Variants in ZFP14 observed in about 807,000 individuals in gnomAD.
The protein encoded by ZFP14 is zinc finger protein 14 homolog.
A neutral mutation model predicts 54.5 loss-of-function variants in ZFP14; 22 were observed. That is an observed-to-expected ratio of 0.40 (90% CI 0.29 to 0.58). The LOEUF (loss-of-function observed/expected upper bound fraction) is 0.58. Among genes scored for constraint, ZFP14 ranks in the 20% least tolerant of loss-of-function variants. ZFP14 has a pLI of 0.39. For missense variants in ZFP14, 470 were observed against 637.8 expected (o/e 0.74, Z 2.83); for synonymous variants, 159 against 204.0 (o/e 0.78, Z 1.88).
rs1439469324 is a variant in ZFP14 at position 36,335,568 on chromosome 19, T to A, written c.*4656A>T. The A allele has an allele frequency of 7.0e-6, 1 of 142,262 alleles. No homozygotes were observed. Among genetic ancestry groups the A allele is most frequent in the Non-Finnish European group, 1.5e-5 (1 of 67,264 alleles). The allele number at this position is 142,262 out of a possible 1,614,324, so 8.8% of individuals were successfully genotyped here. Reference sequence around the variant, plus strand: ...AGTATCAGATTTTTTAAACAGGGAGTTCACACACACACACACACACACACA... The same window carrying A: ...AGTATCAGATTTTTTAAACAGGGAGATCACACACACACACACACACACACA... On this transcript the variant is annotated 3_prime_UTR_variant, in exon 5 of 5. Transcript: ENST00000270001.
chr19:36,348,600 G>A (rs996798208), intron 4 of ZFP14, among the ~76,000 whole-genome samples: 15 of 152,216 alleles, frequency 9.9e-5, no homozygotes, highest in Admixed American at 4.6e-4. Flanking sequence ...GGATTCAAGC[G>A]ATTCTCCTGC....
chr19:36,350,966 C>T lies in ZFP14; in HGVS notation c.236-9376G>A, dbSNP rs534944690. ...ATTTTGTACCCTTTAAAAATTAAGA[C>T]GTAATAAAGATATTTTCTAATAAAA... On this transcript the variant is annotated intron_variant, in intron 4 of 4. Coordinates refer to ENST00000270001, the MANE Select transcript of ZFP14 (RefSeq NM_020917.3). Among the ~76,000 whole-genome samples, 37 of 142,904 alleles carry T rather than the reference C, an allele frequency of 2.6e-4. 1 individual carries two copies. Among genetic ancestry groups the T allele is most frequent in the Admixed American group, 8.7e-4 (12 of 13,832 alleles). 93.8% of individuals were successfully genotyped at this position (142,904 alleles called of 152,430 possible).
At chr19:36,360,716 T>C (rs552768938) in intron 3 of ZFP14, among the ~76,000 whole-genome samples, 183 bp from the exon 4 acceptor site, 2 of 152,312 alleles carry the variant, frequency 1.3e-5, no homozygotes, top group Admixed American at 6.5e-5. Flanking sequence ...GAATAGCCTG[T>C]ATGAGGTTAA....
intron 2 of ZFP14, among the ~76,000 whole-genome samples, chr19:36,367,655 G>C (rs1164740867): frequency 6.6e-6 from 1 of 152,064 alleles, no homozygotes; most frequent in Non-Finnish European, 1.5e-5. Flanking sequence ...GTAGAGACAG[G>C]GTTTCACCAT....
intron 4 of ZFP14, among the ~76,000 whole-genome samples, chr19:36,349,231 C>CAAA (rs1308523351): frequency 0.014 from 59 of 4,236 alleles, 12 homozygotes; most frequent in Admixed American, 0.036. Flanking sequence ...AACTCTGTCT[C>CAAA]AAAAAAAAAA....
chr19:36,351,370 A>G (rs2031522307), intron 4 of ZFP14, among the ~76,000 whole-genome samples: 2 of 141,478 alleles, frequency 1.4e-5, no homozygotes, highest in African/African-American at 2.6e-5. Context: ...ATGGTGGTGC[A>G]TGCCTGTAGT....
At position 36,367,939 on chromosome 19, in the gene ZFP14, G is replaced by A. The variant is rs1259516248; in HGVS notation, c.-47C>T. ...GGTCAGTCCTTTTCAAGATTTCTCT[G>A]TTGGAGAACTATGGAGTCCTGATAA... is the stretch of plus-strand genomic sequence containing the variant. On this transcript the variant is annotated 5_prime_UTR_variant, in exon 2 of 5. Transcript: ENST00000270001. The A allele has an allele frequency of 1.3e-6, 2 of 1,598,886 alleles. No homozygotes were observed. Among genetic ancestry groups the A allele is most frequent in the Non-Finnish European group, 1.7e-6 (2 of 1,171,906 alleles).
At chr19:36,345,155 C>T (rs568501601) in intron 4 of ZFP14, among the ~76,000 whole-genome samples, 4 of 152,234 alleles carry the variant, frequency 2.6e-5, no homozygotes, top group South Asian at 4.1e-4. Context: ...CTTAGCTACT[C>T]GGGAGGCTGA....
rs1455897261 is a variant in ZFP14 at position 36,340,218 on chromosome 19, C to A, written c.*6G>T. 1.3e-6 allele frequency: 2 copies of A among 1,549,600 alleles called. No homozygotes were observed. Among genetic ancestry groups the A allele is most frequent in the Non-Finnish European group, 1.7e-6 (2 of 1,150,222 alleles). On this transcript the variant is annotated 3_prime_UTR_variant, in exon 5 of 5. Coordinates refer to ENST00000270001, the MANE Select transcript of ZFP14 (RefSeq NM_020917.3). This position sits in a 1 kb window ranked among gnomAD's most constrained non-coding sequence, Gnocchi z 5.4. ...AACATCATATACATTTGAAGGCTTT[C>A]TTCTATTAAATTCCATTATGAATCT...
chr19:36,364,648 T>A (rs879681934), intron 2 of ZFP14, among the ~76,000 whole-genome samples: 2 of 152,142 alleles, frequency 1.3e-5, no homozygotes, highest in Non-Finnish European at 2.9e-5. Flanking sequence ...ATTACATCCC[T>A]ACCCAATCCA....
rs1365709557 is a variant in ZFP14, at chr19:36,360,489, C to T, written c.181G>A (p.Glu61Lys). The T allele has an allele frequency of 6.2e-7, 1 of 1,613,788 alleles. No individual in the cohort carries two copies. Among genetic ancestry groups the T allele is most frequent in the East Asian group, 2.2e-5 (1 of 44,870 alleles). ...ACAACCATCCCAGGTTCCTTCCTTT[C>T]TTCATCCAATAAGGTAATCACATCT... ...KPDVITLLDE[E>K]RKEPGMVVRE... Residue 61 changes from glutamate (E) to lysine (K), a missense_variant, in exon 4 of 5, where the codon GAA (glutamate) becomes AAA (lysine). Physicochemically the swap from Glu to Lys is moderately conservative, Grantham distance 56. Transcript: ENST00000270001.
chr19:36,339,569 A>G lies in ZFP14; in HGVS notation c.*655T>C, dbSNP rs1453973045. On this transcript the variant is annotated 3_prime_UTR_variant, in exon 5 of 5. Transcript: ENST00000270001. ...GCATGCCTTGATGAAGCAAGCAGCCATGTTGATGAGGCTATTGTGGCCAGG... is the reference window on the plus strand; with the variant it reads ...GCATGCCTTGATGAAGCAAGCAGCCGTGTTGATGAGGCTATTGTGGCCAGG... The G allele has an allele frequency of 6.6e-6, 1 of 152,264 alleles. No homozygotes were observed. Among genetic ancestry groups the G allele is most frequent in the African/African-American group, 2.4e-5 (1 of 41,476 alleles). 9.4% of individuals were successfully genotyped at this position (152,264 alleles called of 1,614,324 possible).
At chr19:36,364,330 C>G (rs948904826) in intron 2 of ZFP14, among the ~76,000 whole-genome samples, 5 of 152,162 alleles carry the variant, frequency 3.3e-5, no homozygotes, top group Non-Finnish European at 7.3e-5. Context: ...ACAGCATGAA[C>G]AAGCAGGGGT....
chr19:36,374,246 T>A (rs2031924528), intron 1 of ZFP14, among the ~76,000 whole-genome samples: 1 of 151,912 alleles, frequency 6.6e-6, no homozygotes, highest in Non-Finnish European at 1.5e-5. Flanking sequence ...ATCCCAGCAC[T>A]TTGGGAGGCC....
Position 36,336,642 on chromosome 19 carries a change from G to A in ZFP14, c.*3582C>T, listed in dbSNP as rs940757678. The A allele has an allele frequency of 3.0e-4, 46 of 152,186 alleles. No individual in the cohort carries two copies. Among genetic ancestry groups the A allele is most frequent in the African/African-American group, 1.1e-3 (46 of 41,436 alleles). The allele number at this position is 152,186 out of a possible 1,614,324, so 9.4% of individuals were successfully genotyped here. ...ACACATTCATCTGTGTGACAGGCCT[G>A]GTGTTGCTGCTGTGGGTAAGTGAAG... On this transcript the variant is annotated 3_prime_UTR_variant, in exon 5 of 5. Transcript: ENST00000270001.
chr19:36,335,569 T>TCACACA lies in ZFP14; in HGVS notation c.*4649_*4654dup, dbSNP rs35013438. 3.2e-4 allele frequency: 48 copies of TCACACA among 148,234 alleles called. No homozygotes were observed. Among genetic ancestry groups the TCACACA allele is most frequent in the African/African-American group, 9.1e-4 (37 of 40,448 alleles). 9.2% of individuals were successfully genotyped at this position (148,234 alleles called of 1,614,324 possible). On this transcript the variant is annotated 3_prime_UTR_variant, in exon 5 of 5. Coordinates refer to ENST00000270001, the MANE Select transcript of ZFP14 (RefSeq NM_020917.3). The stretch of plus-strand genomic sequence containing the variant: ...GTATCAGATTTTTTAAACAGGGAGT[T>TCACACA]CACACACACACACACACACACACAT...
In ZFP14 at chr19:36,349,231, C is replaced by CAAAAAAAAAAAAAAAA. The variant is rs1308523351; in HGVS notation, c.236-7642_236-7641insTTTTTTTTTTTTTTTT. On this transcript the variant is annotated intron_variant, in intron 4 of 4. Coordinates refer to ENST00000270001, the MANE Select transcript of ZFP14 (RefSeq NM_020917.3). ...GGGCTATAAGAGGGGAACTCTGTCT[C>CAAAAAAAAAAAAAAAA]AAAAAAAAAAACAAAAAAAAAAAAA... Among the ~76,000 whole-genome samples, 3 of 4,258 alleles carry CAAAAAAAAAAAAAAAA rather than the reference C, an allele frequency of 7.0e-4. 1 individual carries two copies. Among genetic ancestry groups the CAAAAAAAAAAAAAAAA allele is most frequent in the African/African-American group, 8.8e-4 (1 of 1,130 alleles). 2.8% of individuals were successfully genotyped at this position (4,258 alleles called of 152,430 possible).
In ZFP14 at chr19:36,362,703, T is replaced by C. The variant is rs544752300; in HGVS notation, c.10-465A>G. On this transcript the variant is annotated intron_variant, in intron 2 of 4. Transcript: ENST00000270001. ...AGCTTGATCAACATTAGCAAGACCC[T>C]GTCTCTACATAAAAAGAAATTTAAA... The C allele has an allele frequency of 3.8e-4, 73 of 192,930 alleles. No individual in the cohort carries two copies. In the South Asian group the frequency reaches 5.7e-3, roughly 15 times the overall value. The allele number at this position is 192,930 out of a possible 1,614,324, so 12.0% of individuals were successfully genotyped here. A position where few individuals can be genotyped will look rare whatever the true frequency, so the allele number is the denominator to read the frequency against.
In ZFP14 at chr19:36,335,010, G is replaced by A. The variant is rs1336240170; in HGVS notation, c.*5214C>T. On this transcript the variant is annotated 3_prime_UTR_variant, in exon 5 of 5. Coordinates refer to ENST00000270001, the MANE Select transcript of ZFP14 (RefSeq NM_020917.3). The stretch of plus-strand genomic sequence containing the variant: ...CTGCCTCAGCCTCCCAAGTAGCTGG[G>A]ATTACAGGTGCAAGCCACCACGCCC... 1.3e-5 allele frequency: 2 copies of A among 152,180 alleles called. No individual in the cohort carries two copies. The highest frequency in any genetic ancestry group is 4.8e-5 in the African/African-American group (2 of 41,424). 9.4% of individuals were successfully genotyped at this position (152,180 alleles called of 1,614,324 possible).
Sources: gnomAD v4.1 joint callset for allele counts (sites outside exome capture counted in the v4.1 genomes callset) on GRCh38, gnomAD v4.1.1 for gene constraint, Gnocchi (gnomAD v3.1) non-coding constraint, MANE v1.5 for transcripts, NCBI Gene and HGNC (gene_info 2026-07-23, HGNC 2026-07-21) for gene names.